Variants in C3orf20 observed in about 807,000 individuals in gnomAD.
C3orf20 encodes uncharacterized protein C3orf20.
C3orf20 carries 76 observed loss-of-function variants against 88.3 expected under a neutral mutation model. The observed-to-expected ratio is 0.86, with a 90% CI of 0.72 to 1.04. The LOEUF is 1.04. Among genes scored for constraint, C3orf20 ranks in the 50% least tolerant of loss-of-function variants. The pLI, the probability that C3orf20 is intolerant of heterozygous loss-of-function variation, is 0.00. For synonymous variants in C3orf20, 436 were observed against 437.4 expected, an observed-to-expected ratio of 1.00 and a Z score of 0.04; for missense variants, 1,056 against 1,123.3, an observed-to-expected ratio of 0.94 and a Z score of 0.86.
intron 7 of C3orf20, among the ~76,000 whole-genome samples, chr3:14,712,600 A>T (rs916225464): frequency 2.6e-5 from 4 of 152,252 alleles, no homozygotes; most frequent in African/African-American, 9.6e-5. Flanking sequence ...TGTTTTATAG[A>T]TACATTGTGT....
intron 12 of C3orf20, among the ~76,000 whole-genome samples, chr3:14,755,075 G>C (rs1376759913): frequency 6.6e-6 from 1 of 151,920 alleles, no homozygotes; most frequent in Non-Finnish European, 1.5e-5. Flanking sequence ...TGAATTATTT[G>C]TTCACTACCT....
intron 10 of C3orf20, among the ~76,000 whole-genome samples, chr3:14,724,892 A>C (rs887206942): frequency 2.0e-5 from 3 of 152,204 alleles, no homozygotes; most frequent in African/African-American, 7.2e-5. Context: ...GAAGACTGAG[A>C]GGTTATTTAA....
Position 14,701,893 on chromosome 3 carries a change from G to A in C3orf20, c.746-1237G>A, listed in dbSNP as rs148963482. Among the ~76,000 whole-genome samples the A allele has an allele frequency of 1.8e-4, 28 of 152,232 alleles. No individual in the cohort carries two copies. Among genetic ancestry groups the A allele is most frequent in the African/African-American group, 6.7e-4 (28 of 41,536 alleles). On this transcript the variant is annotated intron_variant, in intron 5 of 16. Coordinates refer to ENST00000253697, the MANE Select transcript of C3orf20 (RefSeq NM_032137.5). This position sits in a 1 kb window ranked among gnomAD's most constrained non-coding sequence, Gnocchi z 4.6. ...CCATCACAGATGACTCGCAGTATGA[G>A]TAACATCTCTGTTTGATAAATGACC...
At chr3:14,698,080 G>C (rs2033089349) in intron 5 of C3orf20, among the ~76,000 whole-genome samples, 1 of 152,160 alleles carries the variant, frequency 6.6e-6, no homozygotes, top group Non-Finnish European at 1.5e-5. Context: ...ACCCAGTAAT[G>C]GGATTGCTGG....
At chr3:14,760,363 A>G (rs2035521640) in intron 14 of C3orf20, among the ~76,000 whole-genome samples, 1 of 152,162 alleles carries the variant, frequency 6.6e-6, no homozygotes, top group African/African-American at 2.4e-5. Flanking sequence ...TAGAAAATAT[A>G]ATTTAGAAAA....
At chr3:14,709,040 T>C (rs1374307524) in intron 7 of C3orf20, among the ~76,000 whole-genome samples, 1 of 152,216 alleles carries the variant, frequency 6.6e-6, no homozygotes, top group African/African-American at 2.4e-5. Flanking sequence ...AAGGAAATTA[T>C]GCCATTTGCA....
At position 14,768,224 on chromosome 3, in the gene C3orf20, G is replaced by A. The variant is rs951567843; in HGVS notation, c.2496-3843G>A. Among the ~76,000 whole-genome samples, 4 of 152,080 alleles carry A rather than the reference G, an allele frequency of 2.6e-5. No individual in the cohort carries two copies. The highest frequency in any genetic ancestry group is 5.9e-5 in the Non-Finnish European group (4 of 68,030). ...GACTGGGTCTCTAGTTGGATCAGCA[G>A]TGCAGGGGGCCCACACCCTCGTCCG... On this transcript the variant is annotated intron_variant, in intron 15 of 16. Coordinates refer to ENST00000253697, the MANE Select transcript of C3orf20 (RefSeq NM_032137.5). This position sits in a 1 kb window ranked among gnomAD's most constrained non-coding sequence, Gnocchi z 4.1.
Position 14,682,885 on chromosome 3 carries a change from C to A in C3orf20, c.172C>A (p.Pro58Thr). The change falls in exon 3 of 17, where the codon CCT becomes ACT. Residue 58 changes from proline (P) to threonine (T), a missense_variant. Coordinates refer to ENST00000253697, the MANE Select transcript of C3orf20 (RefSeq NM_032137.5). ...EFTWEELISDPSVPTPSDILG... is the reference protein window; with the variant it reads ...EFTWEELISDTSVPTPSDILG... ...CACTTGGGAAGAGCTCATCAGTGAC[C>A]CTTCAGTGCCTACCCCGTCCGACAT... 2 of 1,614,192 alleles carry A rather than the reference C, an allele frequency of 1.2e-6. No individual in the cohort carries two copies. The highest frequency in any genetic ancestry group is 1.7e-6 in the Non-Finnish European group (2 of 1,180,022).
intron 12 of C3orf20, among the ~76,000 whole-genome samples, chr3:14,734,382 G>A (rs2034639082): frequency 6.6e-6 from 1 of 151,986 alleles, no homozygotes; most frequent in South Asian, 2.1e-4. Flanking sequence ...CATCCCGCAA[G>A]CTTTGATATG....
At chr3:14,758,032 G>A (rs954442957) in intron 13 of C3orf20, among the ~76,000 whole-genome samples, 1 of 152,134 alleles carries the variant, frequency 6.6e-6, no homozygotes, top group African/African-American at 2.4e-5. Flanking sequence ...AATCCTCAGG[G>A]CTCTGAAAAT....
chr3:14,727,472 C>T (rs994184522), intron 11 of C3orf20, among the ~76,000 whole-genome samples: 5 of 152,142 alleles, frequency 3.3e-5, no homozygotes, highest in African/African-American at 1.2e-4. Flanking sequence ...TCTAGGCTGT[C>T]CCTGTTAGGC....
intron 9 of C3orf20, among the ~76,000 whole-genome samples, chr3:14,721,007 A>G (rs1053570796): frequency 6.6e-6 from 1 of 152,232 alleles, no homozygotes. Context: ...CACTCTCCCC[A>G]AGCTCCAATC....
chr3:14,684,394 A>G lies in C3orf20; in HGVS notation c.625+12A>G. 6.2e-7 allele frequency: 1 copy of G among 1,612,842 alleles called. No homozygotes were observed. Among genetic ancestry groups the G allele is most frequent in the Non-Finnish European group, 8.5e-7 (1 of 1,179,492 alleles). Reference sequence around the variant, plus strand: ...ACAGTTGTGGAAAGGTGGGTACCTGAGCTTCAACCCTTAGGTAAGAAGTGC... The same window carrying G: ...ACAGTTGTGGAAAGGTGGGTACCTGGGCTTCAACCCTTAGGTAAGAAGTGC... On this transcript the variant is annotated intron_variant, in intron 4 of 16. Transcript: ENST00000253697.
chr3:14,686,750 G>A (rs759442647), intron 4 of C3orf20, among the ~76,000 whole-genome samples: 2 of 152,152 alleles, frequency 1.3e-5, no homozygotes, highest in Non-Finnish European at 2.9e-5. Context: ...ATGCCTGAAA[G>A]TACTCACTGA....
rs200842160 is a variant in C3orf20 at position 14,761,501 on chromosome 3, G to C, written c.2381G>C (p.Gly794Ala). The C allele has an allele frequency of 7.3e-4, 1,185 of 1,613,920 alleles. 9 individuals carry two copies. In the South Asian group the frequency reaches 0.012, roughly 16 times the overall value. Residue 794 changes from glycine (G) to alanine (A), a missense_variant, in exon 15 of 17, where the codon GGG (glycine) becomes GCG (alanine). By Grantham distance (60) the Gly-to-Ala change is moderately conservative (BLOSUM62 0). Transcript: ENST00000253697. ...TTTGCCGGGGGGAAGCTCATTTTTGGGGGCCGTGTTTTGAATGGATATGGC... is the reference window on the plus strand; with the variant it reads ...TTTGCCGGGGGGAAGCTCATTTTTGCGGGCCGTGTTTTGAATGGATATGGC... ...LMFAGGKLIF[G>A]GRVLNGYGLS...
At chr3:14,720,310 G>A (rs1377474450) in intron 9 of C3orf20, among the ~76,000 whole-genome samples, 2 of 152,212 alleles carry the variant, frequency 1.3e-5, no homozygotes, top group Non-Finnish European at 2.9e-5. Flanking sequence ...GATTACAGGT[G>A]TGAGCCACCG....
chr3:14,758,877 C>T (rs1051654592), intron 13 of C3orf20, among the ~76,000 whole-genome samples: 3 of 152,214 alleles, frequency 2.0e-5, no homozygotes, highest in African/African-American at 7.2e-5. Flanking sequence ...AGCCAACCTC[C>T]AATTTAGTTC....
chr3:14,709,416 G>T lies in C3orf20; in HGVS notation c.1161-4591G>T, dbSNP rs767379027. 1.5e-4 allele frequency among the ~76,000 whole-genome samples: 23 copies of T among 152,242 alleles called. 2 individuals carry two copies. The Middle Eastern group carries it at 0.014, about 90-fold the overall frequency. On this transcript the variant is annotated intron_variant, in intron 7 of 16. Transcript: ENST00000253697. ...TTCAATACAATTTTGAATAGAAGTG[G>T]TGAAAGCAGGCCTCCTTGTCTTGTT...
Position 14,772,228 on chromosome 3 carries a change from T to G in C3orf20, c.2630+27T>G. On this transcript the variant is annotated intron_variant, in intron 16 of 16. Coordinates refer to ENST00000253697, the MANE Select transcript of C3orf20 (RefSeq NM_032137.5). This position sits in a 1 kb window ranked among gnomAD's most constrained non-coding sequence, Gnocchi z 4.2. ...TAGGTGACCACATCAGCTGCCAGAATGGGCGTGGCTCACAGCAGGCCACCT... is the reference window on the plus strand; with the variant it reads ...TAGGTGACCACATCAGCTGCCAGAAGGGGCGTGGCTCACAGCAGGCCACCT... The G allele has an allele frequency of 6.2e-7, 1 of 1,614,108 alleles. No individual in the cohort carries two copies. Among genetic ancestry groups the G allele is most frequent in the Non-Finnish European group, 8.5e-7 (1 of 1,179,994 alleles).
Sources: gnomAD v4.1 joint callset for allele counts (sites outside exome capture counted in the v4.1 genomes callset) on GRCh38, gnomAD v4.1.1 for gene constraint, Gnocchi (gnomAD v3.1) non-coding constraint, MANE v1.5 for transcripts, NCBI Gene and HGNC (gene_info 2026-07-23, HGNC 2026-07-21) for gene names.